Variants in SYT14 observed in about 807,000 individuals in gnomAD.
SYT14 encodes the protein synaptotagmin 14.
In SYT14, 32 loss-of-function variants were observed where a neutral mutation model predicts 74.2. The observed-to-expected ratio is 0.43, with a 90% CI of 0.33 to 0.58. SYT14 has a LOEUF of 0.58. Ranked by LOEUF, SYT14 falls within the 20% of genes least tolerant of loss-of-function variation. SYT14 has a pLI of 0.05. For synonymous variants in SYT14, 298 were observed against 337.7 expected (o/e 0.88, Z 1.29); for missense variants, 791 against 981.8 (o/e 0.81, Z 2.60).
intron 7 of SYT14, among the ~76,000 whole-genome samples, chr1:210,139,546 A>G (rs1435922144): frequency 6.6e-6 from 1 of 152,128 alleles, no homozygotes. Context: ...TGTAAAAGTC[A>G]TGATTTTTAG....
chr1:209,985,440 C>T (rs150457816), intron 2 of SYT14, among the ~76,000 whole-genome samples: 3 of 152,364 alleles, frequency 2.0e-5, no homozygotes, highest in South Asian at 2.1e-4. Flanking sequence ...CCAATGCCTT[C>T]GGCCACTCTG....
intron 3 of SYT14, 71 bp downstream of exon 3, chr1:210,013,868 T>C: frequency 6.8e-7 from 1 of 1,478,338 alleles, no homozygotes; most frequent in Non-Finnish European, 9.1e-7. Context: ...TTTTAATATA[T>C]GCAATAAAAA....
intron 7 of SYT14, among the ~76,000 whole-genome samples, chr1:210,150,150 A>T (rs1353440374): frequency 6.6e-6 from 1 of 152,146 alleles, no homozygotes; most frequent in South Asian, 2.1e-4. Flanking sequence ...CATGACACTC[A>T]GAGCTGCCGG....
chr1:210,005,235 A>G (rs968004021), intron 2 of SYT14, among the ~76,000 whole-genome samples: 1 of 152,052 alleles, frequency 6.6e-6, no homozygotes, highest in African/African-American at 2.4e-5. Context: ...GATCATTTCA[A>G]GAAGAGAACC....
chr1:210,128,148 C>A (rs768106249), intron 7 of SYT14, among the ~76,000 whole-genome samples: 2 of 152,076 alleles, frequency 1.3e-5, no homozygotes, highest in Admixed American at 1.3e-4. Context: ...TGAGGCAGGA[C>A]GATCGCTTGA....
chr1:210,149,659 G>A (rs1217027949), intron 7 of SYT14, among the ~76,000 whole-genome samples: 1 of 152,196 alleles, frequency 6.6e-6, no homozygotes, highest in Non-Finnish European at 1.5e-5. Flanking sequence ...GAAAGAAAAA[G>A]TGATCATTTT....
At chr1:209,961,079 A>C (rs747295191) in intron 2 of SYT14, among the ~76,000 whole-genome samples, 1 of 152,170 alleles carries the variant, frequency 6.6e-6, no homozygotes, top group Non-Finnish European at 1.5e-5. Flanking sequence ...TTTATATTTT[A>C]CTGTCTACAC....
intron 6 of SYT14, among the ~76,000 whole-genome samples, chr1:210,097,083 T>C (rs1160155134): frequency 2.0e-5 from 3 of 152,262 alleles, no homozygotes; most frequent in Non-Finnish European, 2.9e-5. Flanking sequence ...GCATTGAATG[T>C]ACTCAAACAA....
chr1:210,158,720 T>TA (rs1355836339), intron 8 of SYT14, among the ~76,000 whole-genome samples: 1 of 152,162 alleles, frequency 6.6e-6, no homozygotes, highest in East Asian at 1.9e-4. Flanking sequence ...AGTATAAGGA[T>TA]AATTCATGGT....
chr1:209,997,724 A>AT (rs1235458342), intron 2 of SYT14, among the ~76,000 whole-genome samples: 6 of 152,076 alleles, frequency 3.9e-5, no homozygotes, highest in Non-Finnish European at 7.4e-5. Context: ...AAAACTACCT[A>AT]TTGGGTACTG....
chr1:209,974,752 G>A (rs2079325534), intron 2 of SYT14, among the ~76,000 whole-genome samples: 1 of 152,156 alleles, frequency 6.6e-6, no homozygotes, highest in African/African-American at 2.4e-5. Flanking sequence ...TGTGAAGAAA[G>A]TCATTGGTAG....
intron 7 of SYT14, among the ~76,000 whole-genome samples, chr1:210,105,405 C>T (rs1179866799): frequency 6.6e-6 from 1 of 152,144 alleles, no homozygotes. Context: ...ATAATGCATT[C>T]ACTACTATGG....
At chr1:210,013,174 G>T (rs539947652) in intron 2 of SYT14, among the ~76,000 whole-genome samples, 2 of 150,702 alleles carry the variant, frequency 1.3e-5, no homozygotes, top group East Asian at 4.0e-4. Flanking sequence ...AGGTTCAAGC[G>T]ATTCTCATGC....
intron 7 of SYT14, 71 bp downstream of exon 6, chr1:210,100,532 C>A: frequency 6.7e-7 from 1 of 1,487,088 alleles, no homozygotes. Flanking sequence ...TTTTAAAAAT[C>A]TTTAATCAAG....
intron 4 of SYT14, chr1:210,017,143 G>C: frequency 9.3e-7 from 1 of 1,072,496 alleles, no homozygotes. Context: ...ATTTTCTCTT[G>C]ATTTTTTTTA....
chr1:210,124,010 T>A (rs913653726), intron 7 of SYT14, among the ~76,000 whole-genome samples: 13 of 152,102 alleles, frequency 8.5e-5, no homozygotes, highest in African/African-American at 3.1e-4. Context: ...AAGCAAATAG[T>A]AGAAGGGTCA....
chr1:209,996,029 A>G (rs535356367), intron 2 of SYT14, among the ~76,000 whole-genome samples: 10 of 152,192 alleles, frequency 6.6e-5, no homozygotes, highest in Non-Finnish European at 8.8e-5. Context: ...AAAATTTAGA[A>G]AGATCTCAAA....
intron 5 of SYT14, among the ~76,000 whole-genome samples, chr1:210,059,052 A>G (rs537892751): frequency 6.6e-6 from 1 of 152,238 alleles, no homozygotes; most frequent in African/African-American, 2.4e-5. Context: ...TGAACTATGA[A>G]CTATTATTAA....
chr1:209,943,858 T>C (rs1049241352), intron 1 of SYT14, among the ~76,000 whole-genome samples: 1 of 152,222 alleles, frequency 6.6e-6, no homozygotes, highest in Non-Finnish European at 1.5e-5. Flanking sequence ...GTAAAATGAT[T>C]ATATGCATAT....
Sources: gnomAD v4.1 joint callset for allele counts (sites outside exome capture counted in the v4.1 genomes callset) on GRCh38, gnomAD v4.1.1 for gene constraint, MANE v1.5 for transcripts, NCBI Gene and HGNC (gene_info 2026-07-23, HGNC 2026-07-21) for gene names.